Variants in AKAP11 observed in about 807,000 individuals in gnomAD.
The protein encoded by AKAP11 is A-kinase anchoring protein 11, also known as A-kinase anchor protein 11.
A neutral mutation model predicts 146.1 loss-of-function variants in AKAP11; 36 were observed. The observed-to-expected ratio is 0.25, with a 90% CI of 0.19 to 0.33. The LOEUF is 0.33. Among genes scored for constraint, AKAP11 ranks in the 10% least tolerant of loss-of-function variants. The pLI is 1.00. For missense variants in AKAP11, 2,201 were observed against 2,197.0 expected, an observed-to-expected ratio of 1.00 and a Z score of -0.04; for synonymous variants, 780 against 786.5, an observed-to-expected ratio of 0.99 and a Z score of 0.14.
Position 42,292,370 on chromosome 13 carries a change from T to C in AKAP11, c.52-15T>C. ...TAAATAAATTTGAAATATCTTTGCTTTCTTTCCCCTGCAGAGCTTCAGTGA... is the reference window on the plus strand; with the variant it reads ...TAAATAAATTTGAAATATCTTTGCTCTCTTTCCCCTGCAGAGCTTCAGTGA... On this transcript the variant is annotated splice_polypyrimidine_tract_variant and intron_variant, in intron 3 of 12. Transcript: ENST00000025301. 1 of 1,474,268 alleles carries C rather than the reference T, an allele frequency of 6.8e-7. No individual in the cohort carries two copies. The highest frequency in any genetic ancestry group is 9.3e-7 in the Non-Finnish European group (1 of 1,076,886). The allele number at this position is 1,474,268 out of a possible 1,614,324, so 91.3% of individuals were successfully genotyped here.
At chr13:42,282,055 G>A (rs1332125239) in intron 1 of AKAP11, among the ~76,000 whole-genome samples, 1 of 149,848 alleles carries the variant, frequency 6.7e-6, no homozygotes, top group Non-Finnish European at 1.5e-5. Context: ...TGCAACCTCC[G>A]TCTCTTGGGT....
At chr13:42,290,317 C>T (rs183870977) in intron 3 of AKAP11, among the ~76,000 whole-genome samples, 16 of 152,248 alleles carry the variant, frequency 1.1e-4, no homozygotes, top group South Asian at 1.0e-3. Context: ...GTGTTCATTC[C>T]GGTCTATCAG....
chr13:42,287,112 T>A (rs1959173061), intron 3 of AKAP11, among the ~76,000 whole-genome samples: 1 of 152,222 alleles, frequency 6.6e-6, no homozygotes, highest in African/African-American at 2.4e-5. Flanking sequence ...TCTCCTTTGC[T>A]AATCTTTCCA....
chr13:42,297,077 A>G lies in AKAP11; in HGVS notation c.246A>G (p.Pro82=). ...QDLAAVSLEL[P]DILNSLHFCS... is the part of the protein sequence containing the mutation. ...TAGCTGCAGTTTCTTTGGAACTTCC[A>G]GATATTCTGAATTCACTCCACTTCT... The change falls in exon 6 of 13, where the codon CCA becomes CCG. Residue 82 remains proline, a synonymous_variant. Transcript: ENST00000025301. 1 of 1,591,428 alleles carries G rather than the reference A, an allele frequency of 6.3e-7. No homozygotes were observed. Among genetic ancestry groups the G allele is most frequent in the Non-Finnish European group, 8.5e-7 (1 of 1,171,058 alleles).
chr13:42,274,422 A>G (rs1288270732), intron 1 of AKAP11, among the ~76,000 whole-genome samples: 1 of 152,196 alleles, frequency 6.6e-6, no homozygotes, highest in Non-Finnish European at 1.5e-5. Flanking sequence ...GGTGCCTTAC[A>G]CTTGTAATCC....
At chr13:42,279,139 T>C (rs1326529365) in intron 1 of AKAP11, among the ~76,000 whole-genome samples, 1 of 152,178 alleles carries the variant, frequency 6.6e-6, no homozygotes, top group African/African-American at 2.4e-5. Flanking sequence ...ATTCTTAGGG[T>C]TTGCTGAGCT....
intron 11 of AKAP11, 57 bp downstream of exon 11, chr13:42,313,997 A>G: frequency 1.3e-6 from 2 of 1,568,062 alleles, no homozygotes; most frequent in Non-Finnish European, 1.8e-6. Flanking sequence ...GTTTCCTAGA[A>G]GAGTCTTTAT....
chr13:42,283,773 T>A (rs1959110009), intron 1 of AKAP11, among the ~76,000 whole-genome samples: 1 of 152,218 alleles, frequency 6.6e-6, no homozygotes, highest in Non-Finnish European at 1.5e-5. Context: ...CTATCTCTTT[T>A]CCCTACTTCC....
chr13:42,296,186 T>C (rs1474736407), intron 5 of AKAP11, among the ~76,000 whole-genome samples: 1 of 152,174 alleles, frequency 6.6e-6, no homozygotes, highest in Non-Finnish European at 1.5e-5. Flanking sequence ...GATTCCTACA[T>C]ATTTCCTTTT....
chr13:42,319,950 T>TGTGTGTGTGTG lies in AKAP11; in HGVS notation c.*722_*723insGTGTGTGTGTG, dbSNP rs1594368046. The TGTGTGTGTGTG allele has an allele frequency of 7.0e-6, 1 of 143,394 alleles. No individual in the cohort carries two copies. The highest frequency in any genetic ancestry group is 1.5e-5 in the Non-Finnish European group (1 of 65,336). The allele number at this position is 143,394 out of a possible 1,614,324, so 8.9% of individuals were successfully genotyped here. ...GTGTGTGTGTGTGTGTGTGTGTGTG[T>TGTGTGTGTGTG]AAGGGAGTACTTTAACCTTGCCAGT... On this transcript the variant is annotated 3_prime_UTR_variant, in exon 13 of 13. Transcript: ENST00000025301.
chr13:42,279,949 A>G (rs1281738938), intron 1 of AKAP11, among the ~76,000 whole-genome samples: 1 of 152,230 alleles, frequency 6.6e-6, no homozygotes, highest in Non-Finnish European at 1.5e-5. Context: ...GGCTGCTTCT[A>G]CTAAGGCTGC....
rs774351956 is a variant in AKAP11 at position 42,299,967 on chromosome 13, T to C, written c.1221T>C (p.Ala407=). 1.9e-6 allele frequency: 3 copies of C among 1,613,928 alleles called. No homozygotes were observed. The highest frequency in any genetic ancestry group is 2.5e-6 in the Non-Finnish European group (3 of 1,179,852). ...AAAAATTCAAGTTTGATCGTCCAGC[T>C]CTCCCAGCTAATGTTAGAAAGCCAA... ...NPQKFKFDRP[A]LPANVRKPTP... The change falls in exon 8 of 13, where the codon GCT becomes GCC. Residue 407 remains alanine, a synonymous_variant. Transcript: ENST00000025301.
In AKAP11 at chr13:42,298,813, G is replaced by T. The variant is rs1016283394; in HGVS notation, c.616+16G>T. The stretch of plus-strand genomic sequence containing the variant: ...TACAATGATGGTTTGTTTTTCATTA[G>T]ACTTTTTCCTAAAATAGGGAATTAA... On this transcript the variant is annotated intron_variant, in intron 7 of 12. Transcript: ENST00000025301. The T allele has an allele frequency of 6.5e-7, 1 of 1,536,198 alleles. No homozygotes were observed. Among genetic ancestry groups the T allele is most frequent in the Non-Finnish European group, 8.7e-7 (1 of 1,155,056 alleles).
intron 10 of AKAP11, 88 bp downstream of exon 10, chr13:42,313,218 GC>G: frequency 1.0e-6 from 1 of 968,690 alleles, no homozygotes. Flanking sequence ...GGGTTACAGT[GC>G]CAGTATGTAT....
rs1232414351 is a variant in AKAP11, at chr13:42,285,973, A to C, written c.-99-13A>C. 1 of 153,988 alleles carries C rather than the reference A, an allele frequency of 6.5e-6. No homozygotes were observed. The highest frequency in any genetic ancestry group is 1.9e-4 in the East Asian group (1 of 5,356). The allele number at this position is 153,988 out of a possible 1,614,324, so 9.5% of individuals were successfully genotyped here. On this transcript the variant is annotated splice_polypyrimidine_tract_variant and intron_variant, in intron 1 of 12. Coordinates refer to ENST00000025301, the MANE Select transcript of AKAP11 (RefSeq NM_016248.4). The stretch of plus-strand genomic sequence containing the variant: ...CTATTTTTAAAATGTTTTTTAAAAA[A>C]CTTGTTTTTCAGATCTTTCTCTTTG...
At chr13:42,282,322 A>G (rs1213295300) in intron 1 of AKAP11, among the ~76,000 whole-genome samples, 1 of 149,736 alleles carries the variant, frequency 6.7e-6, no homozygotes, top group Non-Finnish European at 1.5e-5. Flanking sequence ...CCATTCTGCA[A>G]CTTGCTCTTT....
Position 42,303,427 on chromosome 13 carries a change from T to C in AKAP11, c.4681T>C (p.Phe1561Leu). 1.2e-6 allele frequency: 2 copies of C among 1,614,158 alleles called. No homozygotes were observed. Among genetic ancestry groups the C allele is most frequent in the African/African-American group, 2.7e-5 (2 of 75,058 alleles). ...AGAGCTAACTCTAGGATCTACAGTG[T>C]TCCGAGTGTCTGAGACCACAAAATC... ...TLELTLGSTV[F>L]RVSETTKSAD... Residue 1561 changes from phenylalanine (F) to leucine (L), a missense_variant, in exon 8 of 13, where the codon TTC becomes CTC. Physicochemically the swap from Phe to Leu is conservative, Grantham distance 22. This residue lies in a region of AKAP11 where 1,867 missense variants were observed against 1,833.5 expected (regional missense o/e 1.02). Coordinates refer to ENST00000025301, the MANE Select transcript of AKAP11 (RefSeq NM_016248.4).
At chr13:42,288,625 T>C (rs916582066) in intron 3 of AKAP11, among the ~76,000 whole-genome samples, 6 of 152,210 alleles carry the variant, frequency 3.9e-5, no homozygotes, top group African/African-American at 1.4e-4. Flanking sequence ...TCTTTTATAG[T>C]TCACTCTGCC....
rs1959474081 is a variant in AKAP11, at chr13:42,295,717, A to T, written c.191A>T (p.Glu64Val). The T allele has an allele frequency of 6.2e-7, 1 of 1,610,824 alleles. No homozygotes were observed. Among genetic ancestry groups the T allele is most frequent in the Non-Finnish European group, 8.5e-7 (1 of 1,179,134 alleles). ...LTEVTFLGFN[E>V]ETDAAHIQDL... ...CAGGTCACATTTCTGGGTTTTAATG[A>T]AGAGACAGATGCTGCTCATATACAG... The change falls in exon 5 of 13, where the codon GAA (glutamate) becomes GTA (valine). Residue 64 changes from glutamate to valine, a missense_variant. Transcript: ENST00000025301.
Sources: allele counts gnomAD v4.1 joint callset (sites outside exome capture counted in the v4.1 genomes callset), GRCh38; gene constraint gnomAD v4.1.1; regional missense constraint gnomAD v4.1.1; transcripts MANE v1.5; gene names NCBI Gene and HGNC (gene_info 2026-07-23, HGNC 2026-07-21).